NELL2: variants seen among roughly 807,000 people sequenced by gnomAD.
NELL2 encodes the protein neural EGFL like 2.
NELL2 carries 41 observed loss-of-function variants against 109.6 expected under a neutral mutation model. The observed-to-expected ratio is 0.37, with a 90% CI of 0.29 to 0.49. The LOEUF is 0.49. NELL2 is among the 20% of genes least tolerant of loss of function. NELL2 has a pLI of 0.98. For missense variants in NELL2, 900 were observed against 1,008.3 expected (o/e 0.89, Z 1.45); for synonymous variants, 355 against 344.7 (o/e 1.03, Z -0.33).
chr12:44,827,613 A>C (rs921013861), intron 2 of NELL2, among the ~76,000 whole-genome samples: 1 of 152,066 alleles, frequency 6.6e-6, no homozygotes, highest in African/African-American at 2.4e-5. Flanking sequence ...ACTTAACATA[A>C]ACACCTCCAG....
chr12:44,755,762 T>C (rs1370668712), intron 9 of NELL2, among the ~76,000 whole-genome samples: 1 of 152,220 alleles, frequency 6.6e-6, no homozygotes, highest in Non-Finnish European at 1.5e-5. Context: ...TATCCTTACT[T>C]TCTTCTCTAT....
chr12:44,908,236 G>C (rs1014935177), intron 1 of NELL2, among the ~76,000 whole-genome samples: 4 of 151,960 alleles, frequency 2.6e-5, no homozygotes, highest in African/African-American at 9.7e-5. Context: ...GTATAGATAA[G>C]AAATAGAAGA....
At position 44,887,311 on chromosome 12, in the gene NELL2, C is replaced by T. The variant is rs140812878; in HGVS notation, c.39-11411G>A. ...GGATTACAGGTGTGAGCTACTGCAT[C>T]TGGCCCTTATTTTTGGTTTTTTGAG... is the stretch of plus-strand genomic sequence containing the variant. On this transcript the variant is annotated intron_variant, in intron 1 of 20. Transcript: ENST00000333837. Among the ~76,000 whole-genome samples the T allele has an allele frequency of 9.1e-4, 139 of 152,122 alleles. 2 individuals carry two copies. In the East Asian group the frequency reaches 0.025, roughly 27 times the overall value.
At chr12:44,586,129 T>C (rs776541193) in intron 15 of NELL2, among the ~76,000 whole-genome samples, 56 of 151,146 alleles carry the variant, frequency 3.7e-4, no homozygotes, top group Non-Finnish European at 6.5e-4. Flanking sequence ...GCATTCTGTA[T>C]GTATATGCAA....
At chr12:44,762,914 C>T (rs900248597) in intron 9 of NELL2, among the ~76,000 whole-genome samples, 1 of 152,136 alleles carries the variant, frequency 6.6e-6, no homozygotes, top group Non-Finnish European at 1.5e-5. Flanking sequence ...CTTATTTCAC[C>T]TTTATTTCAC....
At chr12:44,621,835 C>T (rs767640832) in intron 13 of NELL2, among the ~76,000 whole-genome samples, 2 of 152,046 alleles carry the variant, frequency 1.3e-5, no homozygotes, top group Non-Finnish European at 2.9e-5. Context: ...AGATAAGGGA[C>T]TGTGGATATG....
chr12:44,509,692 C>T (rs1940897465), intron 19 of NELL2, among the ~76,000 whole-genome samples: 1 of 152,104 alleles, frequency 6.6e-6, no homozygotes, highest in African/African-American at 2.4e-5. Context: ...AATTTCTCAG[C>T]CTCCAAAATT....
chr12:44,898,777 G>A (rs1268791939), intron 1 of NELL2, among the ~76,000 whole-genome samples: 1 of 152,164 alleles, frequency 6.6e-6, no homozygotes, highest in Non-Finnish European at 1.5e-5. Context: ...GACAGAAGTA[G>A]GCTTCAGAAG....
rs781598030 is a variant in NELL2, at chr12:44,532,680, G to A, written c.1705C>T (p.Arg569Cys). Reference protein sequence around the residue: ...CSDGFVQCDSRANCINLPGWY... With the variant: ...CSDGFVQCDSCANCINLPGWY... ...CCAGGCAGGTTAATGCAATTAGCAC[G>A]ACTGTCACATTGAACAAAACCATCA... Residue 569 changes from arginine to cysteine, a missense_variant, in exon 16 of 20, where the codon CGT becomes TGT. Arg to Cys is a radical substitution (Grantham distance 180, BLOSUM62 -3). Coordinates refer to ENST00000429094, the MANE Select transcript of NELL2 (RefSeq NM_001145108.2). 4 of 1,613,436 alleles carry A rather than the reference G, an allele frequency of 2.5e-6. No homozygotes were observed. Among genetic ancestry groups the A allele is most frequent in the Non-Finnish European group, 2.5e-6 (3 of 1,179,566 alleles).
intron 15 of NELL2, among the ~76,000 whole-genome samples, chr12:44,582,910 G>C (rs542869766): frequency 4.6e-5 from 7 of 152,190 alleles, no homozygotes; most frequent in African/African-American, 1.4e-4. Context: ...TATCCTGAGG[G>C]TGTGCTTGTA....
intron 12 of NELL2, among the ~76,000 whole-genome samples, chr12:44,668,337 C>T (rs2136344916): frequency 6.6e-6 from 1 of 152,288 alleles, no homozygotes; most frequent in South Asian, 2.1e-4. Context: ...TCTCCAGCAG[C>T]AGGGCTACCA....
intron 1 of NELL2, among the ~76,000 whole-genome samples, chr12:44,900,783 G>A (rs928164175): frequency 6.6e-6 from 1 of 152,148 alleles, no homozygotes; most frequent in Non-Finnish European, 1.5e-5. Flanking sequence ...AAGGTCAAGA[G>A]ATCGAGACCT....
chr12:44,811,956 C>T (rs1288144819), intron 3 of NELL2, among the ~76,000 whole-genome samples: 2 of 152,030 alleles, frequency 1.3e-5, no homozygotes, highest in East Asian at 1.9e-4. Flanking sequence ...TCAGAAGAAG[C>T]GTCACAATGC....
chr12:44,869,820 T>C lies in NELL2; in HGVS notation c.184+5405A>G, dbSNP rs141124518. ...GGTATTCCTAACAGTGAATATCCTATTTTAACATGTTTTGGAATCTGAATA... is the reference window on the plus strand; with the variant it reads ...GGTATTCCTAACAGTGAATATCCTACTTTAACATGTTTTGGAATCTGAATA... On this transcript the variant is annotated intron_variant, in intron 2 of 19. Coordinates refer to ENST00000429094, the MANE Select transcript of NELL2 (RefSeq NM_001145108.2). Among the ~76,000 whole-genome samples, 388 of 152,304 alleles carry C rather than the reference T, an allele frequency of 2.5e-3. 3 individuals are homozygous for C. Among genetic ancestry groups the C allele is most frequent in the Non-Finnish European group, 4.5e-3 (304 of 68,000 alleles).
intron 2 of NELL2, among the ~76,000 whole-genome samples, chr12:44,823,613 C>T (rs1345683899): frequency 6.6e-6 from 1 of 152,082 alleles, no homozygotes; most frequent in Non-Finnish European, 1.5e-5. Flanking sequence ...TGTGTATATA[C>T]CAATATTTCT....
chr12:44,892,383 AT>A (rs1290647010), intron 1 of NELL2, among the ~76,000 whole-genome samples: 3 of 152,122 alleles, frequency 2.0e-5, no homozygotes, highest in Non-Finnish European at 2.9e-5. Flanking sequence ...TATCTAACCC[AT>A]ATAAAGTGCT....
intron 3 of NELL2, among the ~76,000 whole-genome samples, chr12:44,780,676 G>A (rs575975589): frequency 7.2e-5 from 11 of 152,028 alleles, no homozygotes; most frequent in East Asian, 1.9e-4. Context: ...CCCTTTCCCC[G>A]CTGGGATAGT....
chr12:44,685,367 C>A, intron 12 of NELL2, among the ~76,000 whole-genome samples: 1 of 152,044 alleles, frequency 6.6e-6, no homozygotes, highest in East Asian at 1.9e-4. Context: ...ACTCTTTATC[C>A]AATTTGCCAG....
intron 9 of NELL2, among the ~76,000 whole-genome samples, chr12:44,770,575 T>C (rs545608185): frequency 5.1e-4 from 77 of 152,336 alleles, no homozygotes; most frequent in Admixed American, 4.3e-3. Flanking sequence ...AATCAGCACA[T>C]AGAATATTAA....
Sources: gnomAD v4.1 joint callset for allele counts (sites outside exome capture counted in the v4.1 genomes callset) on GRCh38, gnomAD v4.1.1 for gene constraint, MANE v1.5 for transcripts, NCBI Gene and HGNC (gene_info 2026-07-23, HGNC 2026-07-21) for gene names.